The following ARL5A variants were observed in gnomAD, a reference collection of about 807,000 sequenced individuals.
The protein encoded by ARL5A is ADP-ribosylation factor-like protein 5A.
ARL5A carries 18 observed loss-of-function variants against 25.9 expected under a neutral mutation model. The observed-to-expected ratio is 0.69, with a 90% confidence interval of 0.48 to 1.03. ARL5A has a LOEUF of 1.03. Ranked by LOEUF, ARL5A falls within the 50% of genes least tolerant of loss-of-function variation. ARL5A has a pLI of 0.00. For synonymous variants in ARL5A, 61 were observed against 67.5 expected (o/e 0.90, Z 0.47); for missense variants, 170 against 211.9 (o/e 0.80, Z 1.23).
chr2:151,823,028 TACA>T (rs1473534806), intron 1 of ARL5A, among the ~76,000 whole-genome samples: 2 of 152,216 alleles, frequency 1.3e-5, no homozygotes, highest in Non-Finnish European at 2.9e-5. Flanking sequence ...CTGTGAATCA[TACA>T]ACATCAGAAA....
chr2:151,815,609 T>C (rs1221145217), intron 1 of ARL5A, among the ~76,000 whole-genome samples: 2 of 152,196 alleles, frequency 1.3e-5, no homozygotes, highest in Non-Finnish European at 2.9e-5. Context: ...TGCATGTGTG[T>C]GGAGTGGAGT....
intron 1 of ARL5A, among the ~76,000 whole-genome samples, chr2:151,823,153 T>A (rs2099832577): frequency 6.6e-6 from 1 of 152,142 alleles, no homozygotes; most frequent in Admixed American, 6.5e-5. Flanking sequence ...GAGCAAAAAA[T>A]TCCATTTGTC....
chr2:151,810,567 A>G (rs919785909), intron 4 of ARL5A: 2 of 446,266 alleles, frequency 4.5e-6, no homozygotes. Context: ...TACTTCTGCT[A>G]ATAAAGAGTC....
At position 151,815,131 on chromosome 2, in the gene ARL5A, A is replaced by G. The variant is rs2099831331; in HGVS notation, c.107+8T>C. 1.3e-6 allele frequency: 2 copies of G among 1,591,070 alleles called. No homozygotes were observed. The highest frequency in any genetic ancestry group is 1.7e-6 in the Non-Finnish European group (2 of 1,164,784). On this transcript the variant is annotated splice_region_variant and intron_variant, in intron 2 of 5. Coordinates refer to ENST00000295087, the MANE Select transcript of ARL5A (RefSeq NM_012097.4). ...AATAAAATAATTTTTAAAATAGTTA[A>G]TACTTACAATTGGTAAAGAATGGTA... is the stretch of plus-strand genomic sequence containing the variant.
At chr2:151,828,033 C>T in intron 1 of ARL5A, 98 bp downstream of exon 1, 1 of 1,369,902 alleles carries the variant, frequency 7.3e-7, no homozygotes, top group Admixed American at 1.9e-5. Flanking sequence ...TGGCGCCCGA[C>T]CGAGCCGCCC....
intron 1 of ARL5A, among the ~76,000 whole-genome samples, chr2:151,819,094 G>T (rs977943434): frequency 6.6e-6 from 1 of 151,566 alleles, no homozygotes; most frequent in Non-Finnish European, 1.5e-5. Context: ...AGTCCAAAAG[G>T]AAACAAAAAC....
rs568466857 is a variant in ARL5A, at chr2:151,812,021, A to T, written c.339+336T>A. ...ATTGCTAAGCACCCAGGTACTTTAA[A>T]ATCTCATTTCCAATGATAATCCTCT... On this transcript the variant is annotated intron_variant, in intron 4 of 5. Transcript: ENST00000295087. Among the ~76,000 whole-genome samples the T allele has an allele frequency of 1.7e-4, 26 of 152,324 alleles. 2 individuals carry two copies. The South Asian group carries it at 5.0e-3, about 29-fold the overall frequency.
chr2:151,824,426 C>T (rs1559824188), intron 1 of ARL5A, among the ~76,000 whole-genome samples: 1 of 152,094 alleles, frequency 6.6e-6, no homozygotes, highest in African/African-American at 2.4e-5. Context: ...ACACAGTCTA[C>T]CCCTTGGCTA....
intron 5 of ARL5A, among the ~76,000 whole-genome samples, chr2:151,803,981 G>A (rs1170955691): frequency 1.3e-5 from 2 of 151,800 alleles, no homozygotes; most frequent in Non-Finnish European, 2.9e-5. Flanking sequence ...TAAATTACAA[G>A]ACATTTGTAT....
At chr2:151,809,480 A>G (rs1311220823) in intron 4 of ARL5A, among the ~76,000 whole-genome samples, 1 of 152,222 alleles carries the variant, frequency 6.6e-6, no homozygotes, top group Admixed American at 6.5e-5. Flanking sequence ...ATATTTAGAA[A>G]GAGAAGAAAA....
chr2:151,819,377 A>C (rs553929089), intron 1 of ARL5A, among the ~76,000 whole-genome samples: 29 of 152,362 alleles, frequency 1.9e-4, no homozygotes, highest in African/African-American at 5.3e-4. Flanking sequence ...TAAACTCTGA[A>C]GATGAACTTG....
intron 1 of ARL5A, 81 bp from the exon 2 acceptor site, chr2:151,815,280 T>A (rs1250349112): frequency 1.8e-6 from 2 of 1,107,742 alleles, no homozygotes; most frequent in East Asian, 2.4e-5. Context: ...ATACTCTGTA[T>A]CTCACCCTTC....
chr2:151,819,661 T>C (rs1323031366), intron 1 of ARL5A, among the ~76,000 whole-genome samples: 1 of 152,088 alleles, frequency 6.6e-6, no homozygotes, highest in Non-Finnish European at 1.5e-5. Flanking sequence ...ACTTCAGCCA[T>C]GTCCTTAGGA....
chr2:151,823,537 T>G (rs529691310), intron 1 of ARL5A, among the ~76,000 whole-genome samples: 1 of 152,168 alleles, frequency 6.6e-6, no homozygotes, highest in South Asian at 2.1e-4. Flanking sequence ...AAAAAAATAT[T>G]ACAGGGGACT....
At chr2:151,822,204 T>C (rs2099832437) in intron 1 of ARL5A, among the ~76,000 whole-genome samples, 2 of 152,104 alleles carry the variant, frequency 1.3e-5, no homozygotes, top group South Asian at 4.1e-4. Context: ...GAGATAGGGG[T>C]TTTGCCATGT....
rs2099829362 is a variant in ARL5A at position 151,801,111 on chromosome 2, A to G, written c.*2165T>C. ...TGTACAAGTACACAAGTACCACCTTATTTTTAATGTTTACCTTGAAGGGTA... is the reference window on the plus strand; with the variant it reads ...TGTACAAGTACACAAGTACCACCTTGTTTTTAATGTTTACCTTGAAGGGTA... On this transcript the variant is annotated 3_prime_UTR_variant, in exon 6 of 6. Coordinates refer to ENST00000295087, the MANE Select transcript of ARL5A (RefSeq NM_012097.4). The G allele has an allele frequency of 6.6e-6, 1 of 152,604 alleles. No homozygotes were observed. The highest frequency in any genetic ancestry group is 1.5e-5 in the Non-Finnish European group (1 of 67,994). 9.5% of individuals were successfully genotyped at this position (152,604 alleles called of 1,614,324 possible). A position where few individuals can be genotyped will look rare whatever the true frequency, so the allele number is the denominator to read the frequency against.
rs61097162 is a variant in ARL5A, at chr2:151,824,478, C to CTAATAA, written c.46+3647_46+3652dup. Among the ~76,000 whole-genome samples the CTAATAA allele has an allele frequency of 3.4e-3, 512 of 150,416 alleles. 2 individuals carry two copies. The highest frequency in any genetic ancestry group is 9.3e-3 in the African/African-American group (380 of 40,756). On this transcript the variant is annotated intron_variant, in intron 1 of 5. Coordinates refer to ENST00000295087, the MANE Select transcript of ARL5A (RefSeq NM_012097.4). ...ACTCTTCTCTACACATTTAAACTCC[C>CTAATAA]TAATAATAATAATAATAATAATAAT... is the stretch of plus-strand genomic sequence containing the variant.
Position 151,803,119 on chromosome 2 carries a change from C to T in ARL5A, c.*157G>A. On this transcript the variant is annotated 3_prime_UTR_variant, in exon 6 of 6. Coordinates refer to ENST00000295087, the MANE Select transcript of ARL5A (RefSeq NM_012097.4). ...GAAAGCAAACTGGAAGGTGAGACTTCATCTTTGTTTTCAAATAAGTGGTCT... is the reference window on the plus strand; with the variant it reads ...GAAAGCAAACTGGAAGGTGAGACTTTATCTTTGTTTTCAAATAAGTGGTCT... 1 of 557,748 alleles carries T rather than the reference C, an allele frequency of 1.8e-6. No individual in the cohort carries two copies. The highest frequency in any genetic ancestry group is 3.2e-6 in the Non-Finnish European group (1 of 314,350). The allele number at this position is 557,748 out of a possible 1,614,324, so 34.5% of individuals were successfully genotyped here.
intron 1 of ARL5A, among the ~76,000 whole-genome samples, chr2:151,820,660 CAAAAA>C (rs71410438): frequency 1.9e-3 from 86 of 45,080 alleles, no homozygotes; most frequent in African/African-American, 8.2e-3. Context: ...ATCCTGTCTC[CAAAAA>C]AAAAAAAAAA....
Sources: gnomAD v4.1 joint callset for allele counts (sites outside exome capture counted in the v4.1 genomes callset) on GRCh38, gnomAD v4.1.1 for gene constraint, MANE v1.5 for transcripts, NCBI Gene and HGNC (gene_info 2026-07-23, HGNC 2026-07-21) for gene names.